FBXL17: variants seen among roughly 807,000 people sequenced by gnomAD.
The protein encoded by FBXL17 is F-box and leucine rich repeat protein 17.
A neutral mutation model predicts 66.2 loss-of-function variants in FBXL17; 22 were observed. That is an observed-to-expected ratio of 0.33 (90% CI 0.24 to 0.47). The LOEUF (loss-of-function observed/expected upper bound fraction) is 0.47. Among genes scored for constraint, FBXL17 ranks in the 20% least tolerant of loss-of-function variants. FBXL17 has a pLI of 1.00. For synonymous variants in FBXL17, 474 were observed against 400.5 expected (o/e 1.18, Z -2.19); for missense variants, 878 against 948.2 (o/e 0.93, Z 0.97).
At chr5:108,335,272 T>C (rs1312040425) in intron 4 of FBXL17, among the ~76,000 whole-genome samples, 1 of 124,164 alleles carries the variant, frequency 8.1e-6, no homozygotes, top group African/African-American at 3.0e-5. Flanking sequence ...TTATCAGGCA[T>C]GCAATAAGGA....
At chr5:108,310,413 T>A (rs1299721415) in intron 4 of FBXL17, among the ~76,000 whole-genome samples, 1 of 152,190 alleles carries the variant, frequency 6.6e-6, no homozygotes, top group African/African-American at 2.4e-5. Flanking sequence ...AAAATGTTTT[T>A]AATCTTCTGT....
intron 7 of FBXL17, among the ~76,000 whole-genome samples, chr5:107,992,088 T>TTGTGTGTG (rs3039988): frequency 5.8e-4 from 86 of 149,238 alleles, no homozygotes; most frequent in African/African-American, 1.3e-3. Flanking sequence ...ATCATATTAA[T>TTGTGTGTG]TGTGTGTGTG....
intron 5 of FBXL17, 46 bp from the exon 6 acceptor site, chr5:108,186,293 T>A (rs537768379): frequency 6.5e-7 from 1 of 1,545,586 alleles, no homozygotes; most frequent in East Asian, 2.3e-5. Flanking sequence ...AAATGCTACA[T>A]TCACTCTCAA....
chr5:108,267,034 C>CA (rs1757073289), intron 4 of FBXL17, among the ~76,000 whole-genome samples: 1 of 151,728 alleles, frequency 6.6e-6, no homozygotes, highest in African/African-American at 2.4e-5. Context: ...TTTAATTTTA[C>CA]AAAAAAATTA....
At chr5:108,305,535 GAC>G (rs1758797354) in intron 4 of FBXL17, among the ~76,000 whole-genome samples, 1 of 152,016 alleles carries the variant, frequency 6.6e-6, no homozygotes, top group Non-Finnish European at 1.5e-5. Flanking sequence ...GGCCAAGAGA[GAC>G]ACTGTCAACT....
At chr5:107,935,489 T>G (rs181504377) in intron 7 of FBXL17, among the ~76,000 whole-genome samples, 1 of 152,016 alleles carries the variant, frequency 6.6e-6, no homozygotes, top group Non-Finnish European at 1.5e-5. Flanking sequence ...TTAAAAAAAG[T>G]ATTGTCAGTG....
intron 6 of FBXL17, among the ~76,000 whole-genome samples, chr5:108,072,129 CT>C (rs1748357392): frequency 6.6e-6 from 1 of 152,110 alleles, no homozygotes; most frequent in African/African-American, 2.4e-5. Context: ...ATTCTGAGCA[CT>C]GATCTTTGCT....
intron 3 of FBXL17, among the ~76,000 whole-genome samples, chr5:108,357,967 G>A (rs371766270): frequency 1.3e-5 from 2 of 152,108 alleles, no homozygotes; most frequent in East Asian, 1.9e-4. Context: ...AAATGAAATC[G>A]TTTGGATTCT....
chr5:107,870,462 C>T (rs1253698262), intron 8 of FBXL17, among the ~76,000 whole-genome samples: 1 of 152,182 alleles, frequency 6.6e-6, no homozygotes, highest in Non-Finnish European at 1.5e-5. Context: ...TGGCTTCCAT[C>T]TGATCTTCCC....
chr5:108,247,724 C>T (rs56024626), intron 4 of FBXL17, among the ~76,000 whole-genome samples: 8,534 of 152,092 alleles, frequency 0.056, 816 homozygotes, highest in African/African-American at 0.2. Flanking sequence ...AATTCTGCTG[C>T]CTTTTAAACT....
At chr5:108,371,967 A>G (rs1749068073) in intron 1 of FBXL17, among the ~76,000 whole-genome samples, 1 of 152,164 alleles carries the variant, frequency 6.6e-6, no homozygotes, top group South Asian at 2.1e-4. Context: ...GCTGAGTGAC[A>G]TCACCTAGAC....
chr5:108,325,650 T>C (rs1015023308), intron 4 of FBXL17, among the ~76,000 whole-genome samples: 8 of 152,150 alleles, frequency 5.3e-5, no homozygotes, highest in Non-Finnish European at 7.3e-5. Context: ...AGGAAAGCAA[T>C]GTTATTGAAA....
At chr5:108,185,027 CTACTT>C (rs1171299393) in intron 6 of FBXL17, among the ~76,000 whole-genome samples, 5 of 152,064 alleles carry the variant, frequency 3.3e-5, no homozygotes, top group African/African-American at 1.2e-4. Flanking sequence ...TTATAATAGT[CTACTT>C]TTAAGGGTTT....
rs189221558 is a variant in FBXL17 at position 107,984,047 on chromosome 5, T to C, written c.1822+36878A>G. ...ATTTTTATAAGTCTTCTTGTATCTGTAAATTCTTTATATTCTATTAATTTC... is the reference window on the plus strand; with the variant it reads ...ATTTTTATAAGTCTTCTTGTATCTGCAAATTCTTTATATTCTATTAATTTC... On this transcript the variant is annotated intron_variant, in intron 7 of 8. Transcript: ENST00000542267. 9.5e-4 allele frequency among the ~76,000 whole-genome samples: 145 copies of C among 152,292 alleles called. 1 individual carries two copies. The highest frequency in any genetic ancestry group is 3.5e-4 in the Non-Finnish European group (24 of 68,026).
chr5:107,895,597 G>T (rs1009111271), intron 7 of FBXL17, among the ~76,000 whole-genome samples: 4 of 152,046 alleles, frequency 2.6e-5, no homozygotes, highest in African/African-American at 7.2e-5. Context: ...TGTTCTGTTG[G>T]TCTCACTTCA....
intron 5 of FBXL17, among the ~76,000 whole-genome samples, chr5:108,195,402 G>C (rs1753640072): frequency 6.6e-6 from 1 of 152,124 alleles, no homozygotes; most frequent in South Asian, 2.1e-4. Context: ...AAGGCCCTGA[G>C]ATGGAAACTG....
At chr5:108,132,722 C>T (rs1750983589) in intron 6 of FBXL17, among the ~76,000 whole-genome samples, 2 of 152,142 alleles carry the variant, frequency 1.3e-5, no homozygotes, top group South Asian at 4.1e-4. Context: ...TCTTGACAGA[C>T]ATTTTATTTA....
intron 1 of FBXL17, 97 bp from the exon 2 acceptor site, chr5:108,368,050 G>C (rs1748785712): frequency 8.4e-7 from 1 of 1,191,248 alleles, no homozygotes; most frequent in African/African-American, 1.6e-5. Flanking sequence ...TTTGTAAAAA[G>C]AAAACCTTCT....
rs891941178 is a variant in FBXL17, at chr5:108,381,212, G to A, written c.480C>T (p.Phe160=). 4.1e-6 allele frequency: 6 copies of A among 1,448,634 alleles called. No homozygotes were observed. Among genetic ancestry groups the A allele is most frequent in the Non-Finnish European group, 5.4e-6 (6 of 1,102,752 alleles). The allele number at this position is 1,448,634 out of a possible 1,614,324, so 89.7% of individuals were successfully genotyped here. A position where few individuals can be genotyped will look rare whatever the true frequency, so the allele number is the denominator to read the frequency against. ...AAWEQQGRSL[F]LASLGPVRFL... is the part of the protein sequence containing the mutation. The stretch of plus-strand genomic sequence containing the variant: ...AGCGCACCGGCCCCAAGCTGGCCAG[G>A]AAGAGACTTCGGCCCTGCTGCTCCC... The change falls in exon 1 of 9, where the codon TTC becomes TTT. Residue 160 remains phenylalanine, a synonymous_variant. Coordinates refer to ENST00000542267, the MANE Select transcript of FBXL17 (RefSeq NM_001163315.3).
Sources: allele counts gnomAD v4.1 joint callset (sites outside exome capture counted in the v4.1 genomes callset), GRCh38; gene constraint gnomAD v4.1.1; transcripts MANE v1.5; gene names NCBI Gene and HGNC (gene_info 2026-07-23, HGNC 2026-07-21).